The following STARD13 variants were observed in gnomAD, a reference collection of about 807,000 sequenced individuals.
STARD13 encodes StAR related lipid transfer domain containing 13.
STARD13 carries 62 observed loss-of-function variants against 106.4 expected under a neutral mutation model. The observed-to-expected ratio is 0.58, with a 90% CI of 0.48 to 0.72. STARD13 has a LOEUF of 0.72. STARD13 is among the 30% of genes least tolerant of loss of function. The probability of loss-of-function intolerance (pLI) is 0.00; values close to 1 mark genes in which losing one functional copy is unlikely to be tolerated. For missense variants in STARD13, 1,387 were observed against 1,424.0 expected, an observed-to-expected ratio of 0.97 and a Z score of 0.42; for synonymous variants, 565 against 553.0, an observed-to-expected ratio of 1.02 and a Z score of -0.31.
the STARD13 span, among the ~76,000 whole-genome samples, chr13:33,407,582 A>G: frequency 1.3e-5 from 2 of 152,218 alleles, no homozygotes; most frequent in Non-Finnish European, 2.9e-5. Context: ...TTAGATGGAA[A>G]TTATGGGTTT....
chr13:33,511,052 G>A, the STARD13 span, among the ~76,000 whole-genome samples: 6 of 152,002 alleles, frequency 3.9e-5, no homozygotes, highest in East Asian at 1.9e-4. Context: ...GCTCATGCCT[G>A]TAATCCCAGC....
intron 1 of STARD13, among the ~76,000 whole-genome samples, chr13:33,234,655 G>C (rs74045719): frequency 0.049 from 7,402 of 152,202 alleles, 245 homozygotes; most frequent in African/African-American, 0.086. Flanking sequence ...TTAGCATTCT[G>C]CCTCCAACAA....
chr13:33,189,367 G>A (rs927095799), intron 1 of STARD13, among the ~76,000 whole-genome samples: 1 of 143,744 alleles, frequency 7.0e-6, no homozygotes, highest in African/African-American at 2.6e-5. Flanking sequence ...GAAGCAGGAG[G>A]GCAGGAAGGG....
intron 1 of STARD13, among the ~76,000 whole-genome samples, chr13:33,298,859 G>A (rs898838259): frequency 6.6e-5 from 10 of 152,152 alleles, no homozygotes; most frequent in South Asian, 4.1e-4. Context: ...ATCTCCAGAC[G>A]TAGGAAACTC....
intron 1 of STARD13, among the ~76,000 whole-genome samples, chr13:33,229,323 C>T (rs781049720): frequency 7.2e-5 from 11 of 152,072 alleles, no homozygotes; most frequent in Non-Finnish European, 1.5e-4. Context: ...AGACCAAAAC[C>T]GACCCTATGG....
At chr13:33,601,550 T>C in the STARD13 span, among the ~76,000 whole-genome samples, 1 of 152,184 alleles carries the variant, frequency 6.6e-6, no homozygotes, top group South Asian at 2.1e-4. Flanking sequence ...AGGCTTTCTT[T>C]GAAGAAAATG....
intron 7 of STARD13, among the ~76,000 whole-genome samples, chr13:33,119,640 A>G (rs1347026916): frequency 6.6e-6 from 1 of 152,212 alleles, no homozygotes; most frequent in Non-Finnish European, 1.5e-5. Context: ...AGGGGAAATT[A>G]TACACTGCTA....
intron 8 of STARD13, chr13:33,113,236 C>T: frequency 2.3e-6 from 1 of 437,328 alleles, no homozygotes; most frequent in South Asian, 2.4e-5. Context: ...AATCAACCCA[C>T]TCACCTGCTT....
At chr13:33,166,693 T>C (rs1006543328) in intron 2 of STARD13, among the ~76,000 whole-genome samples, 4 of 152,108 alleles carry the variant, frequency 2.6e-5, no homozygotes, top group Non-Finnish European at 5.9e-5. Flanking sequence ...CTATTAACTG[T>C]CAATTAAAGA....
At chr13:33,246,173 T>C (rs1440885798) in intron 1 of STARD13, among the ~76,000 whole-genome samples, 1 of 152,198 alleles carries the variant, frequency 6.6e-6, no homozygotes, top group Non-Finnish European at 1.5e-5. Context: ...TTTGTCTGTC[T>C]CTTGAAGCAA....
the STARD13 span, among the ~76,000 whole-genome samples, chr13:33,472,946 G>T: frequency 6.6e-6 from 1 of 152,110 alleles, no homozygotes; most frequent in African/African-American, 2.4e-5. Context: ...GGCAGTTTAG[G>T]TATTCTTTGA....
Position 33,154,035 on chromosome 13 carries a change from G to A in STARD13, c.323+11302C>T, listed in dbSNP as rs191464962. Among the ~76,000 whole-genome samples the A allele has an allele frequency of 1.1e-4, 16 of 152,274 alleles. No individual in the cohort carries two copies. In the East Asian group the frequency reaches 2.1e-3, roughly 20 times the overall value. ...GCATGGGAAAGGTCTCCATGCTGGC[G>A]GACTGTTGGAAAATGCAGATTCTGG... On this transcript the variant is annotated intron_variant, in intron 3 of 13. Transcript: ENST00000336934.
At chr13:33,447,347 C>A in the STARD13 span, among the ~76,000 whole-genome samples, 1 of 152,236 alleles carries the variant, frequency 6.6e-6, no homozygotes, top group Non-Finnish European at 1.5e-5. Context: ...TGCTGCAACA[C>A]CTAGACAGGG....
chr13:33,310,324 A>G (rs552281242), intron 1 of STARD13, among the ~76,000 whole-genome samples: 1 of 152,308 alleles, frequency 6.6e-6, no homozygotes, highest in African/African-American at 2.4e-5. Context: ...TATTTTACAA[A>G]ATATTTTCAT....
intron 1 of STARD13, chr13:33,272,933 G>A (rs1459597400): frequency 6.6e-6 from 1 of 152,202 alleles, no homozygotes; most frequent in Non-Finnish European, 1.5e-5. Context: ...GGTTGGGGAG[G>A]AGGGAAAATT....
chr13:33,614,270 C>CGTGTGT, the STARD13 span, among the ~76,000 whole-genome samples: 6,039 of 145,222 alleles, frequency 0.042, 433 homozygotes, highest in African/African-American at 0.14. Context: ...ATACATTCTC[C>CGTGTGT]GTGTGTGTGT....
the STARD13 span, among the ~76,000 whole-genome samples, chr13:33,430,303 A>T: frequency 6.6e-6 from 1 of 152,204 alleles, no homozygotes; most frequent in African/African-American, 2.4e-5. Context: ...ATTCTCCATG[A>T]TGTGCTTATT....
At chr13:33,622,892 C>T in the STARD13 span, among the ~76,000 whole-genome samples, 3 of 145,452 alleles carry the variant, frequency 2.1e-5, no homozygotes, top group Non-Finnish European at 3.0e-5. Flanking sequence ...AGCACTCTAG[C>T]CTGGCGACAG....
rs190463743 is a variant in STARD13, at chr13:33,293,384, C to T, written c.124+56906G>A. On this transcript the variant is annotated intron_variant, in intron 1 of 5. Transcript: ENST00000567873. ...TTGAATAAATGATTATATGAATTTCCCCAAAGATAAAATTTAGGATGTCTA... is the reference window on the plus strand; with the variant it reads ...TTGAATAAATGATTATATGAATTTCTCCAAAGATAAAATTTAGGATGTCTA... Among the ~76,000 whole-genome samples, 242 of 152,122 alleles carry T rather than the reference C, an allele frequency of 1.6e-3. 2 individuals carry two copies. The highest frequency in any genetic ancestry group is 5.7e-3 in the African/African-American group (237 of 41,486).
Sources: allele counts gnomAD v4.1 joint callset (sites outside exome capture counted in the v4.1 genomes callset), GRCh38; gene constraint gnomAD v4.1.1; transcripts MANE v1.5; gene names NCBI Gene and HGNC (gene_info 2026-07-23, HGNC 2026-07-21).